The following RIN3 variants were observed in gnomAD, a reference collection of about 807,000 sequenced individuals.
RIN3 encodes the protein RAB5 interacting protein 3.
A neutral mutation model predicts 76.3 loss-of-function variants in RIN3; 54 were observed. That is an observed-to-expected ratio of 0.71 (90% CI 0.57 to 0.89). RIN3 has a LOEUF of 0.89. Ranked by LOEUF, RIN3 falls within the 40% of genes least tolerant of loss-of-function variation. RIN3 has a pLI of 0.00. For synonymous variants in RIN3, 576 were observed against 564.0 expected, an observed-to-expected ratio of 1.02 and a Z score of -0.30; for missense variants, 1,256 against 1,322.1, an observed-to-expected ratio of 0.95 and a Z score of 0.78.
intron 3 of RIN3, among the ~76,000 whole-genome samples, chr14:92,606,147 A>G (rs1267411536): frequency 1.2e-5 from 1 of 81,386 alleles, no homozygotes; most frequent in Non-Finnish European, 2.6e-5. Context: ...GCCAGTCTCA[A>G]AAAAAAAAAA....
Position 92,532,554 on chromosome 14 carries a change from G to A in RIN3, c.44+18578G>A, listed in dbSNP as rs147063819. Among the ~76,000 whole-genome samples, 1,113 of 152,254 alleles carry A rather than the reference G, an allele frequency of 7.3e-3. 9 individuals carry two copies. The highest frequency in any genetic ancestry group is 0.025 in the African/African-American group (1,044 of 41,548). On this transcript the variant is annotated intron_variant, in intron 1 of 9. Transcript: ENST00000216487. ...CTTCTGGGGGAAGTTATTTACCATG[G>A]TGCAACTCCTCCCCTCTCCCTCTCC...
intron 5 of RIN3, among the ~76,000 whole-genome samples, chr14:92,646,667 T>C (rs1887211558): frequency 6.6e-6 from 1 of 152,172 alleles, no homozygotes; most frequent in Admixed American, 6.5e-5. Context: ...CTTGAACTCC[T>C]GACCTCAGGT....
chr14:92,660,897 C>T (rs1045767045), intron 7 of RIN3, among the ~76,000 whole-genome samples: 4 of 152,200 alleles, frequency 2.6e-5, no homozygotes, highest in Non-Finnish European at 4.4e-5. Context: ...AGCTGGTGCC[C>T]TTGTGCAGTG....
In RIN3 at chr14:92,514,061, A is replaced by G; in HGVS notation, c.44+85A>G. The G allele has an allele frequency of 1.0e-6, 1 of 981,016 alleles. No homozygotes were observed. The highest frequency in any genetic ancestry group is 1.3e-6 in the Non-Finnish European group (1 of 757,718). The allele number at this position is 981,016 out of a possible 1,614,324, so 60.8% of individuals were successfully genotyped here. ...CCCCACTCCACTTCTTGTCCCAGAG[A>G]GTCCTTCGGGCGCGTGACCTCGGGG... On this transcript the variant is annotated intron_variant, in intron 1 of 9. Coordinates refer to ENST00000216487, the MANE Select transcript of RIN3 (RefSeq NM_024832.5). This position sits in a 1 kb window ranked among gnomAD's most constrained non-coding sequence, Gnocchi z 7.2.
rs1888666884 is a variant in RIN3, at chr14:92,681,665, C to T, written c.2468-3322C>T. On this transcript the variant is annotated intron_variant, in intron 8 of 9. Coordinates refer to ENST00000216487, the MANE Select transcript of RIN3 (RefSeq NM_024832.5). This position sits in a 1 kb window ranked among gnomAD's most constrained non-coding sequence, Gnocchi z 4.7. Reference sequence around the variant, plus strand: ...CCATTCCCAGCCAGGAAGACATAAGCCAGACAGGAAACAGGACGACTGAGG... The same window carrying T: ...CCATTCCCAGCCAGGAAGACATAAGTCAGACAGGAAACAGGACGACTGAGG... 6.6e-6 allele frequency among the ~76,000 whole-genome samples: 1 copy of T among 152,248 alleles called. No homozygotes were observed.
At chr14:92,671,565 T>C (rs1888289712) in intron 7 of RIN3, among the ~76,000 whole-genome samples, 1 of 152,050 alleles carries the variant, frequency 6.6e-6, no homozygotes, top group Non-Finnish European at 1.5e-5. Flanking sequence ...GAACGTGGGA[T>C]TGTCGGTCAA....
intron 8 of RIN3, among the ~76,000 whole-genome samples, chr14:92,677,896 A>C: frequency 1.4e-5 from 2 of 139,650 alleles, no homozygotes; most frequent in Admixed American, 7.2e-5. Context: ...ATCCATCTAT[A>C]CGTCCACCCA....
In RIN3 at chr14:92,688,044, G is replaced by A. The variant is rs113302396; in HGVS notation, c.2750G>A (p.Arg917Gln). 1.2e-5 allele frequency: 19 copies of A among 1,598,764 alleles called. No individual in the cohort carries two copies. Among genetic ancestry groups the A allele is most frequent in the African/African-American group, 8.0e-5 (6 of 74,792 alleles). The change falls in exon 10 of 10, where the codon CGG (arginine) becomes CAG (glutamine). Residue 917 changes from arginine to glutamine, a missense_variant. Arg to Gln is a conservative substitution (Grantham distance 43). Around this residue, in one of 3 missense-constraint regions of RIN3, gnomAD observed 218 missense variants for 174.5 expected, o/e 1.25. Coordinates refer to ENST00000216487, the MANE Select transcript of RIN3 (RefSeq NM_024832.5). ...AQCAEKFAVE[R>Q]PQAHRLFVLV... The stretch of plus-strand genomic sequence containing the variant: ...TGCGCGGAGAAGTTCGCGGTGGAGC[G>A]GCCGCAGGCGCACCGGCTGTTCGTG...
At chr14:92,523,392 G>A (rs1022598696) in intron 1 of RIN3, among the ~76,000 whole-genome samples, 26 of 152,200 alleles carry the variant, frequency 1.7e-4, no homozygotes, top group African/African-American at 3.6e-4. Flanking sequence ...GATTACAGGC[G>A]TGAGCCACCG....
chr14:92,542,716 G>A (rs1247773064), intron 1 of RIN3, among the ~76,000 whole-genome samples: 1 of 152,180 alleles, frequency 6.6e-6, no homozygotes, highest in Non-Finnish European at 1.5e-5. Flanking sequence ...CCATACAATG[G>A]GATATTGCTT....
At chr14:92,618,552 G>C (rs186848090) in intron 4 of RIN3, among the ~76,000 whole-genome samples, 13 of 152,210 alleles carry the variant, frequency 8.5e-5, no homozygotes, top group Admixed American at 7.8e-4. Flanking sequence ...TTTTTTACCT[G>C]GTGAAAATAC....
intron 4 of RIN3, among the ~76,000 whole-genome samples, chr14:92,635,288 A>G (rs1430244449): frequency 1.3e-5 from 2 of 152,188 alleles, no homozygotes; most frequent in Non-Finnish European, 2.9e-5. Context: ...CACCTTTGTC[A>G]CAGAGCAGGA....
At chr14:92,659,137 C>T in intron 6 of RIN3, 24 bp from the exon 7 acceptor site, 1 of 1,611,922 alleles carries the variant, frequency 6.2e-7, no homozygotes, top group Non-Finnish European at 8.5e-7. Context: ...GTTTCCTCAC[C>T]CTCGCTCTCT....
chr14:92,665,322 C>T (rs1432605496), intron 7 of RIN3, among the ~76,000 whole-genome samples: 1 of 150,890 alleles, frequency 6.6e-6, no homozygotes, highest in East Asian at 1.9e-4. Flanking sequence ...CATCATTGAC[C>T]AAAAGTTCAT....
intron 2 of RIN3, among the ~76,000 whole-genome samples, chr14:92,562,575 A>C (rs1005269844): frequency 4.6e-5 from 7 of 152,160 alleles, no homozygotes; most frequent in Non-Finnish European, 7.4e-5. Context: ...ATCCAATACT[A>C]CTTTAATTAT....
chr14:92,652,638 C>T lies in RIN3; in HGVS notation c.1589C>T (p.Ser530Phe), dbSNP rs1367766872. Residue 530 changes from serine to phenylalanine, a missense_variant, in exon 6 of 10, where the codon TCC (serine) becomes TTC (phenylalanine). Ser to Phe is a radical substitution (Grantham distance 155). Transcript: ENST00000216487. The surrounding 1 kb of genome is among the most constrained non-coding windows in gnomAD (Gnocchi z 6.4). ...HSQSSPEFKG[S>F]LASLSDSLGV... ...CAGAGCTCTCCAGAGTTCAAGGGCT[C>T]CCTGGCCTCCCTCTCAGACAGCTTG... is the stretch of plus-strand genomic sequence containing the variant. 1.9e-6 allele frequency: 3 copies of T among 1,611,450 alleles called. No homozygotes were observed. In the South Asian group the frequency reaches 3.3e-5, roughly 18 times the overall value.
At chr14:92,675,395 A>T (rs1196672231) in intron 7 of RIN3, among the ~76,000 whole-genome samples, 2 of 152,196 alleles carry the variant, frequency 1.3e-5, no homozygotes, top group Non-Finnish European at 2.9e-5. Flanking sequence ...TTTTTGCAAG[A>T]GCTATACATT....
intron 4 of RIN3, among the ~76,000 whole-genome samples, chr14:92,627,244 T>C (rs971813866): frequency 5.9e-5 from 9 of 152,204 alleles, no homozygotes; most frequent in African/African-American, 2.2e-4. Flanking sequence ...TTGCCTTCCC[T>C]TTTCTCTAGA....
intron 1 of RIN3, among the ~76,000 whole-genome samples, chr14:92,543,967 C>G (rs896665534): frequency 1.3e-5 from 2 of 152,124 alleles, no homozygotes; most frequent in African/African-American, 4.8e-5. Context: ...CACTCTGTCC[C>G]ATGTCTAATT....
Sources: allele counts gnomAD v4.1 joint callset (sites outside exome capture counted in the v4.1 genomes callset), GRCh38; gene constraint gnomAD v4.1.1; regional missense constraint gnomAD v4.1.1; non-coding constraint Gnocchi (gnomAD v3.1); transcripts MANE v1.5; gene names NCBI Gene and HGNC (gene_info 2026-07-23, HGNC 2026-07-21).